RERG: variants seen among roughly 807,000 people sequenced by gnomAD.
RERG encodes ras-related and estrogen-regulated growth inhibitor.
Under a neutral mutation model 23.2 loss-of-function variants are expected in RERG, and 25 were observed. That is an observed-to-expected ratio of 1.08 (90% CI 0.79 to 1.50). The LOEUF (loss-of-function observed/expected upper bound fraction) is 1.50. Among genes scored for constraint, RERG ranks in the 40% most tolerant of loss-of-function variants. The pLI is 0.00. For missense variants in RERG, 253 were observed against 250.1 expected, an observed-to-expected ratio of 1.01 and a Z score of -0.08; for synonymous variants, 81 against 89.1, an observed-to-expected ratio of 0.91 and a Z score of 0.51.
intron 2 of RERG, among the ~76,000 whole-genome samples, chr12:15,206,676 T>C (rs1289624718): frequency 6.6e-6 from 1 of 152,138 alleles, no homozygotes; most frequent in African/African-American, 2.4e-5. Context: ...TAAAGTTTGA[T>C]ATCAACTGCT....
In RERG at chr12:15,121,110, A is replaced by G; in HGVS notation, c.71T>C (p.Val24Ala). 6.2e-7 allele frequency: 1 copy of G among 1,608,338 alleles called. No individual in the cohort carries two copies. The highest frequency in any genetic ancestry group is 1.3e-5 in the African/African-American group (1 of 74,972). The part of the protein sequence containing the change: ...RAGVGKSALV[V>A]RFLTKRFIWE... ...GATGAACCGTTTGGTCAGAAATCTC[A>G]CTACAAGAGCTGTGGAAGAAAAGAG... The change falls in exon 3 of 5, where the codon GTG (valine) becomes GCG (alanine). Residue 24 changes from valine (V) to alanine (A), a missense_variant. Transcript: ENST00000256953.
chr12:15,124,389 A>G (rs1217949084), intron 2 of RERG, among the ~76,000 whole-genome samples: 7 of 152,074 alleles, frequency 4.6e-5, no homozygotes, highest in Admixed American at 2.0e-4. Context: ...AGCTTCAGCA[A>G]GAAATGAACT....
chr12:15,175,360 TG>T, intron 2 of RERG, among the ~76,000 whole-genome samples: 1 of 149,826 alleles, frequency 6.7e-6, no homozygotes, highest in African/African-American at 2.5e-5. Flanking sequence ...TGTGTGTGTG[TG>T]TGTGTGTGTG....
intron 2 of RERG, among the ~76,000 whole-genome samples, chr12:15,135,000 T>C (rs557158518): frequency 6.6e-6 from 1 of 152,302 alleles, no homozygotes; most frequent in African/African-American, 2.4e-5. Flanking sequence ...GTAGACCAAA[T>C]TGGGAAGAAC....
intron 2 of RERG, among the ~76,000 whole-genome samples, chr12:15,211,710 T>C (rs1001164990): frequency 6.6e-6 from 1 of 152,126 alleles, no homozygotes; most frequent in Admixed American, 6.5e-5. Context: ...AAATGACACT[T>C]GAGGGGATGG....
At chr12:15,203,748 CA>C (rs1237275792) in intron 2 of RERG, among the ~76,000 whole-genome samples, 1 of 151,280 alleles carries the variant, frequency 6.6e-6, no homozygotes, top group Non-Finnish European at 1.5e-5. Flanking sequence ...AATCAACAAA[CA>C]AAAAACGATT....
At chr12:15,174,845 G>A (rs1864825849) in intron 2 of RERG, among the ~76,000 whole-genome samples, 1 of 151,468 alleles carries the variant, frequency 6.6e-6, no homozygotes, top group South Asian at 2.1e-4. Flanking sequence ...TTCTCTATTT[G>A]GTGAGATATT....
chr12:15,122,476 C>G (rs972367155), intron 2 of RERG, among the ~76,000 whole-genome samples: 2 of 152,068 alleles, frequency 1.3e-5, no homozygotes, highest in Admixed American at 6.6e-5. Context: ...GACCAGGGGC[C>G]GGAGATGGAA....
chr12:15,207,670 A>G (rs1171118868), intron 2 of RERG, among the ~76,000 whole-genome samples: 1 of 152,116 alleles, frequency 6.6e-6, no homozygotes, highest in Admixed American at 6.5e-5. Context: ...TGCATTGTAG[A>G]GCGAAAGAGA....
chr12:15,128,846 C>A (rs1400334488), intron 2 of RERG, among the ~76,000 whole-genome samples: 1 of 152,142 alleles, frequency 6.6e-6, no homozygotes, highest in Non-Finnish European at 1.5e-5. Flanking sequence ...CTCGAGCAAC[C>A]TCCTGTCAAA....
chr12:15,212,749 T>C (rs1260380033), intron 2 of RERG, among the ~76,000 whole-genome samples: 1 of 152,082 alleles, frequency 6.6e-6, no homozygotes, highest in East Asian at 1.9e-4. Flanking sequence ...TTTTTTATTA[T>C]ATATATGTGA....
chr12:15,163,279 T>C (rs1047285188), intron 2 of RERG, among the ~76,000 whole-genome samples: 1 of 152,204 alleles, frequency 6.6e-6, no homozygotes, highest in Admixed American at 6.5e-5. Flanking sequence ...GAGATGAAGA[T>C]TAAAATTGAT....
At chr12:15,183,054 C>T (rs1864945026) in intron 2 of RERG, among the ~76,000 whole-genome samples, 2 of 152,006 alleles carry the variant, frequency 1.3e-5, no homozygotes, top group South Asian at 2.1e-4. Flanking sequence ...GCACTCCAGC[C>T]TGGGCAACAG....
chr12:15,116,553 C>T (rs1026695741), intron 3 of RERG, among the ~76,000 whole-genome samples: 1 of 151,930 alleles, frequency 6.6e-6, no homozygotes, highest in Non-Finnish European at 1.5e-5. Context: ...AATGTCTGCC[C>T]CAGACATAGC....
intron 2 of RERG, among the ~76,000 whole-genome samples, chr12:15,144,351 G>A (rs933668216): frequency 1.3e-5 from 2 of 152,126 alleles, no homozygotes; most frequent in Non-Finnish European, 2.9e-5. Context: ...TCAGTATAAA[G>A]ATGCTATTTA....
intron 2 of RERG, among the ~76,000 whole-genome samples, chr12:15,150,783 A>G (rs1360227444): frequency 6.6e-6 from 1 of 152,196 alleles, no homozygotes; most frequent in Non-Finnish European, 1.5e-5. Flanking sequence ...AACAGTTATT[A>G]CTATTACAAG....
chr12:15,115,892 C>T (rs545806081), intron 3 of RERG, among the ~76,000 whole-genome samples: 1 of 152,204 alleles, frequency 6.6e-6, no homozygotes, highest in African/African-American at 2.4e-5. Flanking sequence ...TGATCATTGC[C>T]ATAAGCACGG....
chr12:15,134,459 T>C (rs1175517480), intron 2 of RERG, among the ~76,000 whole-genome samples: 1 of 152,092 alleles, frequency 6.6e-6, no homozygotes, highest in Non-Finnish European at 1.5e-5. Flanking sequence ...TTCTGTTCCA[T>C]TGGTCTATTT....
intron 4 of RERG, 61 bp downstream of exon 4, chr12:15,111,283 A>T: frequency 7.4e-7 from 1 of 1,342,740 alleles, no homozygotes; most frequent in Non-Finnish European, 1.1e-6. Flanking sequence ...TTTTGTTCAT[A>T]GCATAGATTT....
Sources: allele counts gnomAD v4.1 joint callset (sites outside exome capture counted in the v4.1 genomes callset), GRCh38; gene constraint gnomAD v4.1.1; transcripts MANE v1.5; gene names NCBI Gene and HGNC (gene_info 2026-07-23, HGNC 2026-07-21).